The following STXBP6 variants were observed in gnomAD, a reference collection of about 807,000 sequenced individuals.
STXBP6 encodes syntaxin binding protein 6.
A neutral mutation model predicts 26.9 loss-of-function variants in STXBP6; 21 were observed. The ratio of observed to expected loss-of-function variants is 0.78; its 90% CI spans 0.55 to 1.12. The LOEUF (loss-of-function observed/expected upper bound fraction) is 1.12. STXBP6 is among the 50% of genes most tolerant of loss of function. The pLI is 0.00. For missense variants in STXBP6, 232 were observed against 257.9 expected (o/e 0.90, Z 0.69); for synonymous variants, 97 against 92.6 (o/e 1.05, Z -0.27).
chr14:24,875,815 G>A (rs983069967), intron 2 of STXBP6, among the ~76,000 whole-genome samples: 1 of 152,172 alleles, frequency 6.6e-6, no homozygotes, highest in African/African-American at 2.4e-5. Context: ...CAAGGGGTAA[G>A]GGTGGCGGGA....
chr14:24,948,464 A>G (rs2073063401), intron 2 of STXBP6, among the ~76,000 whole-genome samples: 1 of 152,166 alleles, frequency 6.6e-6, no homozygotes, highest in Admixed American at 6.5e-5. Flanking sequence ...ACTCAGTAAC[A>G]GACTGTTACT....
chr14:25,041,126 G>A (rs1482634642), intron 1 of STXBP6, among the ~76,000 whole-genome samples: 1 of 152,114 alleles, frequency 6.6e-6, no homozygotes, highest in African/African-American at 2.4e-5. Flanking sequence ...TTCGAGACCA[G>A]CCTGGCCAAC....
chr14:24,995,213 G>A (rs966573501), intron 1 of STXBP6, among the ~76,000 whole-genome samples: 1 of 152,230 alleles, frequency 6.6e-6, no homozygotes, highest in African/African-American at 2.4e-5. Context: ...AAGGAACAAG[G>A]CAGTTCTCTG....
intron 1 of STXBP6, among the ~76,000 whole-genome samples, chr14:25,007,539 C>T (rs910793058): frequency 1.6e-4 from 24 of 152,176 alleles, no homozygotes; most frequent in Non-Finnish European, 2.9e-4. Context: ...TTTTAGTTTT[C>T]CCCGTAGCTC....
chr14:25,032,307 ACAGAGGAT>A (rs1265140641), intron 1 of STXBP6, among the ~76,000 whole-genome samples: 1 of 152,174 alleles, frequency 6.6e-6, no homozygotes, highest in African/African-American at 2.4e-5. Context: ...ATCGCTCGAC[ACAGAGGAT>A]CAAGATCAAG....
intron 2 of STXBP6, among the ~76,000 whole-genome samples, chr14:24,914,037 G>A (rs2071667347): frequency 1.3e-5 from 2 of 152,136 alleles, no homozygotes; most frequent in South Asian, 4.1e-4. Context: ...ATCTTTCACT[G>A]TCATTTGGTA....
At chr14:24,841,156 A>G (rs1182825189) in intron 4 of STXBP6, among the ~76,000 whole-genome samples, 2 of 152,164 alleles carry the variant, frequency 1.3e-5, no homozygotes, top group Admixed American at 1.3e-4. Flanking sequence ...AGAGGTGGTG[A>G]ATAATCAGTC....
At chr14:24,885,707 C>T (rs1469813697) in intron 2 of STXBP6, among the ~76,000 whole-genome samples, 1 of 152,242 alleles carries the variant, frequency 6.6e-6, no homozygotes, top group Non-Finnish European at 1.5e-5. Flanking sequence ...CTCATGCATT[C>T]AGTATTTAGT....
intron 1 of STXBP6, among the ~76,000 whole-genome samples, chr14:25,043,846 G>A (rs937323217): frequency 2.0e-4 from 30 of 152,100 alleles, no homozygotes; most frequent in African/African-American, 6.3e-4. Flanking sequence ...TTCAGCAGCC[G>A]ATGGATATTT....
chr14:24,954,413 C>A lies in STXBP6; in HGVS notation c.154+20252G>T, dbSNP rs529396785. ...AGAAAAGTCCCTTGAGGCAGTCCAG[C>A]CAGAGCTTAGGGGAACAGAGAGTGC... On this transcript the variant is annotated intron_variant, in intron 2 of 5. Coordinates refer to ENST00000323944, the MANE Select transcript of STXBP6 (RefSeq NM_001394410.1). 3.9e-5 allele frequency among the ~76,000 whole-genome samples: 6 copies of A among 152,204 alleles called. No homozygotes were observed. The South Asian group carries it at 1.2e-3, about 32-fold the overall frequency.
intron 2 of STXBP6, among the ~76,000 whole-genome samples, chr14:24,857,572 G>A (rs921816630): frequency 2.6e-5 from 4 of 151,960 alleles, no homozygotes; most frequent in African/African-American, 9.7e-5. Flanking sequence ...GGAAATGAAG[G>A]TAATTGGCTC....
chr14:24,819,093 C>T lies in STXBP6; in HGVS notation c.553G>A (p.Glu185Lys). The T allele has an allele frequency of 6.2e-7, 1 of 1,613,858 alleles. No homozygotes were observed. Among genetic ancestry groups the T allele is most frequent in the Non-Finnish European group, 8.5e-7 (1 of 1,179,812 alleles). ...ERGERLGRAE[E>K]KTEDLKNSAQ... ...CTGTTCTTCAGGTCTTCTGTCTTCT[C>T]CTCTGCTCGGCCTAATCGCTCTCCA... The change falls in exon 5 of 6, where the codon GAG becomes AAG. Residue 185 changes from glutamate to lysine, a missense_variant. Glu to Lys is a moderately conservative substitution (Grantham distance 56, BLOSUM62 1). Coordinates refer to ENST00000323944, the MANE Select transcript of STXBP6 (RefSeq NM_001394410.1).
intron 2 of STXBP6, among the ~76,000 whole-genome samples, chr14:24,916,148 AC>A (rs1224187011): frequency 6.6e-6 from 1 of 152,092 alleles, no homozygotes; most frequent in South Asian, 2.1e-4. Context: ...CAAAGTCTTC[AC>A]CCCCTGGGTT....
intron 4 of STXBP6, among the ~76,000 whole-genome samples, chr14:24,843,907 C>A (rs190208588): frequency 1.4e-3 from 212 of 152,244 alleles, no homozygotes; most frequent in Non-Finnish European, 1.9e-3. Flanking sequence ...TTGTAATAAG[C>A]CCCCTTCAAT....
chr14:24,985,550 T>A (rs558021029), intron 1 of STXBP6, among the ~76,000 whole-genome samples: 98 of 152,330 alleles, frequency 6.4e-4, no homozygotes, highest in African/African-American at 2.3e-3. Context: ...CCTGTTACCT[T>A]CCTGTTCCCA....
At chr14:25,024,874 G>T (rs190828483) in intron 1 of STXBP6, among the ~76,000 whole-genome samples, 1 of 152,218 alleles carries the variant, frequency 6.6e-6, no homozygotes, top group East Asian at 1.9e-4. Flanking sequence ...ATTATTATAG[G>T]CCTTTGGTCA....
intron 1 of STXBP6, among the ~76,000 whole-genome samples, chr14:25,042,577 C>A (rs757654402): frequency 9.9e-5 from 15 of 152,162 alleles, no homozygotes; most frequent in Admixed American, 6.5e-4. Flanking sequence ...AATTAACTTG[C>A]GCAAGGTCAC....
chr14:24,896,402 T>A (rs181218312), intron 2 of STXBP6, among the ~76,000 whole-genome samples: 20 of 152,302 alleles, frequency 1.3e-4, no homozygotes, highest in Admixed American at 3.9e-4. Context: ...GTCAGCTTCC[T>A]CCTATTCAAG....
chr14:24,812,086 A>AC lies in STXBP6; in HGVS notation c.*622_*623insG, dbSNP rs1555303899. On this transcript the variant is annotated 3_prime_UTR_variant, in exon 6 of 6. Transcript: ENST00000323944. ...AAAGAGATTTCTATCTGCGATTCTG[A>AC]TTTTTTTTTTTTTTTGAACGCTGGT... The AC allele has an allele frequency of 6.8e-6, 1 of 146,316 alleles. No individual in the cohort carries two copies. The highest frequency in any genetic ancestry group is 1.5e-5 in the Non-Finnish European group (1 of 66,480). The allele number at this position is 146,316 out of a possible 1,614,324, so 9.1% of individuals were successfully genotyped here.
Sources: gnomAD v4.1 joint callset for allele counts (sites outside exome capture counted in the v4.1 genomes callset) on GRCh38, gnomAD v4.1.1 for gene constraint, MANE v1.5 for transcripts, NCBI Gene and HGNC (gene_info 2026-07-23, HGNC 2026-07-21) for gene names.